Variants in SNAPC3 observed in about 807,000 individuals in gnomAD.
The protein encoded by SNAPC3 is small nuclear RNA activating complex polypeptide 3.
SNAPC3 carries 56 observed loss-of-function variants against 47.7 expected under a neutral mutation model. The observed-to-expected ratio is 1.18, with a 90% CI of 0.95 to 1.47. The LOEUF is 1.47. Among genes scored for constraint, SNAPC3 ranks in the 40% most tolerant of loss-of-function variants. The pLI is 0.00. For missense variants in SNAPC3, 665 were observed against 511.3 expected (o/e 1.30, Z -2.90); for synonymous variants, 235 against 189.9 (o/e 1.24, Z -1.95).
intron 3 of SNAPC3, among the ~76,000 whole-genome samples, chr9:15,438,315 A>G (rs1355488532): frequency 6.6e-6 from 1 of 152,148 alleles, no homozygotes; most frequent in African/African-American, 2.4e-5. Context: ...CTGTAAAATC[A>G]GTAGTAACGT....
At chr9:15,423,824 T>A in intron 1 of SNAPC3, 85 bp from the exon 2 acceptor site, 1 of 692,662 alleles carries the variant, frequency 1.4e-6, no homozygotes, top group Non-Finnish European at 2.4e-6. Context: ...CGTAATTCAG[T>A]AATGTATTTA....
chr9:15,441,197 T>TA (rs1470387920), intron 3 of SNAPC3, among the ~76,000 whole-genome samples: 5 of 151,034 alleles, frequency 3.3e-5, no homozygotes, highest in South Asian at 2.1e-4. Context: ...CTTTTTTTTT[T>TA]ATTTAACGTT....
At position 15,447,242 on chromosome 9, in the gene SNAPC3, A is replaced by G; in HGVS notation, c.730A>G (p.Lys244Glu). ...TPDQAPEHIS[K>E]DLYKSAFFYF... ...TGACCAAGCCCCTGAGCACATCAGC[A>G]AAGTAAGGTGATTTCCTCCCATAAA... The change falls in exon 5 of 9, where the codon AAA becomes GAA. Residue 244 changes from lysine (K) to glutamate (E), a missense_variant and splice_region_variant. Coordinates refer to ENST00000380821, the MANE Select transcript of SNAPC3 (RefSeq NM_001039697.2). 6.2e-7 allele frequency: 1 copy of G among 1,613,954 alleles called. No individual in the cohort carries two copies. Among genetic ancestry groups the G allele is most frequent in the Non-Finnish European group, 8.5e-7 (1 of 1,179,860 alleles).
chr9:15,460,847 G>A lies in SNAPC3; in HGVS notation c.*981G>A, dbSNP rs1249475567. On this transcript the variant is annotated 3_prime_UTR_variant, in exon 9 of 9. Coordinates refer to ENST00000380821, the MANE Select transcript of SNAPC3 (RefSeq NM_001039697.2). ...ATAACTCCAGAAATAACATTAACTT[G>A]AAGCTTTATTTCTTGACAAAAGCTT... The A allele has an allele frequency of 2.0e-5, 3 of 152,252 alleles. No individual in the cohort carries two copies. The allele number at this position is 152,252 out of a possible 1,614,324, so 9.4% of individuals were successfully genotyped here.
chr9:15,458,288 T>A (rs2034953113), intron 8 of SNAPC3, among the ~76,000 whole-genome samples: 1 of 152,154 alleles, frequency 6.6e-6, no homozygotes, highest in African/African-American at 2.4e-5. Flanking sequence ...TAGGTCAAAT[T>A]TCAGGCTTGT....
chr9:15,440,841 T>G, intron 3 of SNAPC3, among the ~76,000 whole-genome samples: 1 of 149,912 alleles, frequency 6.7e-6, no homozygotes, highest in South Asian at 2.1e-4. Context: ...CCCAGCTACT[T>G]GGGAGGCTGA....
At chr9:15,434,476 C>T (rs559895743) in intron 3 of SNAPC3, among the ~76,000 whole-genome samples, 129 of 150,392 alleles carry the variant, frequency 8.6e-4, no homozygotes, top group Middle Eastern at 6.9e-3. Context: ...GGCGCCATCT[C>T]GGCTCACTGC....
intron 2 of SNAPC3, among the ~76,000 whole-genome samples, chr9:15,424,538 GACAA>G (rs916313394): frequency 4.6e-5 from 7 of 150,968 alleles, no homozygotes; most frequent in Admixed American, 6.6e-5. Context: ...AATTAAAAAA[GACAA>G]ACACAATATA....
At chr9:15,424,122 A>G in intron 2 of SNAPC3, 136 bp downstream of exon 2, 2 of 453,442 alleles carry the variant, frequency 4.4e-6, no homozygotes, top group Non-Finnish European at 4.0e-6. Context: ...ATATTTGACC[A>G]TATTTACTTT....
At chr9:15,459,583 T>C in intron 8 of SNAPC3, 136 bp from the exon 9 acceptor site, 1 of 657,620 alleles carries the variant, frequency 1.5e-6, no homozygotes, top group Non-Finnish European at 2.6e-6. Flanking sequence ...TATACAAAAT[T>C]AAGGGATTAT....
chr9:15,459,196 T>G (rs931172273), intron 8 of SNAPC3, among the ~76,000 whole-genome samples: 5 of 152,254 alleles, frequency 3.3e-5, no homozygotes, highest in Non-Finnish European at 5.9e-5. Flanking sequence ...AACATTTTGG[T>G]TGAATAATGT....
intron 7 of SNAPC3, among the ~76,000 whole-genome samples, chr9:15,454,675 C>T (rs918629771): frequency 5.3e-5 from 8 of 152,316 alleles, no homozygotes; most frequent in South Asian, 2.1e-4. Context: ...CGGTGGCTCA[C>T]GCCTGTAATC....
At chr9:15,429,295 G>A (rs755992858) in intron 2 of SNAPC3, among the ~76,000 whole-genome samples, 4 of 152,066 alleles carry the variant, frequency 2.6e-5, no homozygotes, top group African/African-American at 4.8e-5. Flanking sequence ...TCGACATAAC[G>A]AAAACCTGGG....
intron 8 of SNAPC3, among the ~76,000 whole-genome samples, chr9:15,459,451 G>A (rs972664351): frequency 1.3e-5 from 2 of 152,178 alleles, no homozygotes; most frequent in Admixed American, 6.5e-5. Context: ...CTTTCAAATA[G>A]ATTTATATTC....
At chr9:15,427,580 CCTCAAGTGAT>C (rs1385300993) in intron 2 of SNAPC3, among the ~76,000 whole-genome samples, 2 of 152,148 alleles carry the variant, frequency 1.3e-5, no homozygotes, top group Non-Finnish European at 2.9e-5. Flanking sequence ...AAACTCCTGA[CCTCAAGTGAT>C]CTGCCGGCCT....
At chr9:15,436,118 A>G (rs1049211125) in intron 3 of SNAPC3, among the ~76,000 whole-genome samples, 1 of 152,254 alleles carries the variant, frequency 6.6e-6, no homozygotes, top group Non-Finnish European at 1.5e-5. Context: ...TGCTGGGATT[A>G]CAGGCGTGGG....
chr9:15,452,495 T>C (rs2034465096), intron 6 of SNAPC3, among the ~76,000 whole-genome samples: 1 of 152,120 alleles, frequency 6.6e-6, no homozygotes, highest in Admixed American at 6.6e-5. Context: ...ATTTTGTATT[T>C]TTAGTAGAGA....
chr9:15,459,995 AG>A lies in SNAPC3; in HGVS notation c.*130del. ...CAGTCCGCTAAAGCTATCAAAAAAA[AG>A]TCCAAATGACAGATTTTCTTATAAT... is the stretch of plus-strand genomic sequence containing the variant. On this transcript the variant is annotated 3_prime_UTR_variant, in exon 9 of 9. Transcript: ENST00000380821. The A allele has an allele frequency of 1.5e-6, 1 of 654,000 alleles. No individual in the cohort carries two copies. The highest frequency in any genetic ancestry group is 3.6e-5 in the South Asian group (1 of 27,628). The allele number at this position is 654,000 out of a possible 1,614,324, so 40.5% of individuals were successfully genotyped here. A position where few individuals can be genotyped will look rare whatever the true frequency, so the allele number is the denominator to read the frequency against.
intron 3 of SNAPC3, among the ~76,000 whole-genome samples, chr9:15,441,863 C>G (rs902099330): frequency 3.9e-5 from 6 of 152,148 alleles, no homozygotes; most frequent in Admixed American, 1.3e-4. Flanking sequence ...TTCTATTCGA[C>G]AAAACCGCCA....
Sources: allele counts gnomAD v4.1 joint callset (sites outside exome capture counted in the v4.1 genomes callset), GRCh38; gene constraint gnomAD v4.1.1; transcripts MANE v1.5; gene names NCBI Gene and HGNC (gene_info 2026-07-23, HGNC 2026-07-21).